Variants in AKT2 observed in about 807,000 individuals in gnomAD.
AKT2 encodes the protein AKT serine/threonine kinase 2.
AKT2 carries 16 observed loss-of-function variants against 58.6 expected under a neutral mutation model. That is an observed-to-expected ratio of 0.27 (90% CI 0.18 to 0.41). The LOEUF is 0.41. AKT2 is among the 10% of genes least tolerant of loss of function. AKT2 has a pLI of 1.00. For missense variants in AKT2, 438 were observed against 661.0 expected (o/e 0.66, Z 3.70); for synonymous variants, 253 against 254.0 (o/e 1.00, Z 0.04).
At chr19:40,260,504 C>T (rs1242643189) in intron 2 of AKT2, among the ~76,000 whole-genome samples, 1 of 151,538 alleles carries the variant, frequency 6.6e-6, no homozygotes, top group East Asian at 2.0e-4. Flanking sequence ...GTGGCGCACA[C>T]CTGTAGTCCC....
intron 1 of AKT2, chr19:40,265,570 G>A (rs983193306): frequency 5.2e-6 from 3 of 578,194 alleles, no homozygotes; most frequent in East Asian, 3.4e-5. Flanking sequence ...AGAGCTCCCC[G>A]GCCTAAGCGC....
chr19:40,235,425 G>A lies in AKT2; in HGVS notation c.1176-75C>T. 1 of 1,216,682 alleles carries A rather than the reference G, an allele frequency of 8.2e-7. No homozygotes were observed. Among genetic ancestry groups the A allele is most frequent in the South Asian group, 1.2e-5 (1 of 82,652 alleles). The allele number at this position is 1,216,682 out of a possible 1,614,324, so 75.4% of individuals were successfully genotyped here. A position where few individuals can be genotyped will look rare whatever the true frequency, so the allele number is the denominator to read the frequency against. On this transcript the variant is annotated intron_variant, in intron 11 of 13. Coordinates refer to ENST00000392038, the MANE Select transcript of AKT2 (RefSeq NM_001626.6). The surrounding 1 kb of genome is among the most constrained non-coding windows in gnomAD (Gnocchi z 6.3). ...GGCAGACGGGCTTTCGGAGCAGGCAGGCCCTGTATGGCCCTTAATGATTCT... is the reference window on the plus strand; with the variant it reads ...GGCAGACGGGCTTTCGGAGCAGGCAAGCCCTGTATGGCCCTTAATGATTCT...
Position 40,235,104 on chromosome 19 carries a change from G to A in AKT2, c.1307C>T (p.Thr436Ile). ...FKPQVTSEVDTRYFDDEFTAQ... is the reference protein window; with the variant it reads ...FKPQVTSEVDIRYFDDEFTAQ... ...GGTAAATTCATCATCGAAGTACCTT[G>A]TGTCGACCTCGGACGTGACCTGAGG... The change falls in exon 13 of 14, where the codon ACA (threonine) becomes ATA (isoleucine). Residue 436 changes from threonine (T) to isoleucine (I), a missense_variant. Physicochemically the swap from Thr to Ile is moderately conservative, Grantham distance 89 (BLOSUM62 -1). Around this residue, in one of 3 missense-constraint regions of AKT2, gnomAD observed 148 missense variants for 199.5 expected, o/e 0.74. Coordinates refer to ENST00000392038, the MANE Select transcript of AKT2 (RefSeq NM_001626.6). This position sits in a 1 kb window ranked among gnomAD's most constrained non-coding sequence, Gnocchi z 6.3. 1 of 1,614,144 alleles carries A rather than the reference G, an allele frequency of 6.2e-7. No individual in the cohort carries two copies. The highest frequency in any genetic ancestry group is 8.5e-7 in the Non-Finnish European group (1 of 1,180,006).
rs755936480 is a variant in AKT2, at chr19:40,234,539, C to A, written c.1366+506G>T. The A allele has an allele frequency of 6.4e-6, 2 of 314,798 alleles. No homozygotes were observed. Among genetic ancestry groups the A allele is most frequent in the Non-Finnish European group, 1.2e-5 (2 of 170,556 alleles). 19.5% of individuals were successfully genotyped at this position (314,798 alleles called of 1,614,324 possible). A position where few individuals can be genotyped will look rare whatever the true frequency, so the allele number is the denominator to read the frequency against. On this transcript the variant is annotated intron_variant, in intron 13 of 13. Coordinates refer to ENST00000392038, the MANE Select transcript of AKT2 (RefSeq NM_001626.6). This position sits in a 1 kb window ranked among gnomAD's most constrained non-coding sequence, Gnocchi z 4.7. ...ACGTCATTCCTCCGGCCAGCTGACACGTTTGCTTCCTCCTCTAGAAAGCCC... is the reference window on the plus strand; with the variant it reads ...ACGTCATTCCTCCGGCCAGCTGACAAGTTTGCTTCCTCCTCTAGAAAGCCC...
At chr19:40,282,729 T>A in intron 1 of AKT2, 1 of 346,890 alleles carries the variant, frequency 2.9e-6, no homozygotes, top group Admixed American at 4.2e-5. Context: ...TAGGGTCTGA[T>A]AAGATGCGGT....
At chr19:40,283,653 A>G (rs2145443648) in intron 1 of AKT2, among the ~76,000 whole-genome samples, 1 of 152,250 alleles carries the variant, frequency 6.6e-6, no homozygotes. Flanking sequence ...TGGCCTAGGG[A>G]GCAGGGACAC....
At chr19:40,253,579 G>T (rs570774124) in intron 4 of AKT2, among the ~76,000 whole-genome samples, 4 of 152,214 alleles carry the variant, frequency 2.6e-5, no homozygotes, top group Admixed American at 6.5e-5. Flanking sequence ...TGCTCAGACT[G>T]GTACAAATCC....
intron 1 of AKT2, chr19:40,284,847 T>G: frequency 4.8e-6 from 1 of 207,964 alleles, no homozygotes; most frequent in African/African-American, 2.3e-5. Flanking sequence ...GCCCCCTCGA[T>G]AGCTTAGCCC....
chr19:40,270,122 C>T (rs951415432), intron 1 of AKT2, among the ~76,000 whole-genome samples: 3 of 152,220 alleles, frequency 2.0e-5, no homozygotes, highest in South Asian at 2.1e-4. Context: ...CCTCTGCTCA[C>T]GTCCCTTTCT....
At chr19:40,256,681 A>G (rs899479801) in intron 3 of AKT2, among the ~76,000 whole-genome samples, 1 of 152,222 alleles carries the variant, frequency 6.6e-6, no homozygotes, top group Non-Finnish European at 1.5e-5. Context: ...CAAGGAGGCG[A>G]TGCATGGGGC....
At chr19:40,255,460 G>A (rs999595431) in intron 3 of AKT2, among the ~76,000 whole-genome samples, 191 bp from the exon 4 acceptor site, 1 of 152,126 alleles carries the variant, frequency 6.6e-6, no homozygotes, top group African/African-American at 2.4e-5. Flanking sequence ...TGTGGAAGGA[G>A]AGAAGCCCAC....
At chr19:40,253,806 C>T (rs1160730025) in intron 4 of AKT2, among the ~76,000 whole-genome samples, 1 of 151,768 alleles carries the variant, frequency 6.6e-6, no homozygotes, top group Non-Finnish European at 1.5e-5. Flanking sequence ...CCCCAGTCAT[C>T]ACAATAAAGA....
At chr19:40,264,504 C>T (rs952319957) in intron 2 of AKT2, among the ~76,000 whole-genome samples, 1 of 152,140 alleles carries the variant, frequency 6.6e-6, no homozygotes, top group African/African-American at 2.4e-5. Context: ...AGCTGGACTC[C>T]GCGTTGCTCC....
rs1015824620 is a variant in AKT2, at chr19:40,237,283, C to T, written c.831+686G>A. 1.4e-4 allele frequency: 22 copies of T among 153,850 alleles called. No individual in the cohort carries two copies. The highest frequency in any genetic ancestry group is 1.2e-3 in the Admixed American group (19 of 15,546). The allele number at this position is 153,850 out of a possible 1,614,324, so 9.5% of individuals were successfully genotyped here. On this transcript the variant is annotated intron_variant, in intron 9 of 13. Coordinates refer to ENST00000392038, the MANE Select transcript of AKT2 (RefSeq NM_001626.6). This position sits in a 1 kb window ranked among gnomAD's most constrained non-coding sequence, Gnocchi z 4.5. ...GACACTTTCTAAGGTGAGTGTGTGT[C>T]CCCACTTCTCCTGTGCACACAGCTA...
chr19:40,263,480 G>T (rs1479073690), intron 2 of AKT2, among the ~76,000 whole-genome samples: 1 of 152,230 alleles, frequency 6.6e-6, no homozygotes, highest in Non-Finnish European at 1.5e-5. Context: ...CCAAGGCTCA[G>T]TGAGGTGACA....
rs1355694214 is a variant in AKT2, at chr19:40,242,367, G to A, written c.441+167C>T. 3 of 1,138,178 alleles carry A rather than the reference G, an allele frequency of 2.6e-6. No individual in the cohort carries two copies. Among genetic ancestry groups the A allele is most frequent in the Non-Finnish European group, 3.9e-6 (3 of 771,010 alleles). 70.5% of individuals were successfully genotyped at this position (1,138,178 alleles called of 1,614,324 possible). A position where few individuals can be genotyped will look rare whatever the true frequency, so the allele number is the denominator to read the frequency against. On this transcript the variant is annotated intron_variant, in intron 5 of 13. Transcript: ENST00000392038. The surrounding 1 kb of genome is among the most constrained non-coding windows in gnomAD (Gnocchi z 4.3). ...GGTTGCTCCCTCCCCTACGGGCATG[G>A]AGCACACCCTAGGGCACCTGCCACC...
At chr19:40,277,935 T>C (rs751014696) in intron 1 of AKT2, among the ~76,000 whole-genome samples, 8 of 152,172 alleles carry the variant, frequency 5.3e-5, no homozygotes, top group Non-Finnish European at 1.2e-4. Context: ...TGTTCAGCAA[T>C]CAGGCCCCTA....
At chr19:40,251,592 G>A (rs1555772253) in intron 4 of AKT2, among the ~76,000 whole-genome samples, 1 of 150,136 alleles carries the variant, frequency 6.7e-6, no homozygotes, top group Non-Finnish European at 1.5e-5. Flanking sequence ...TCTTGGGGAG[G>A]AAAAAAAAAG....
chr19:40,241,736 C>T (rs1974419137), intron 6 of AKT2: 2 of 760,384 alleles, frequency 2.6e-6, no homozygotes, highest in Non-Finnish European at 4.2e-6. Flanking sequence ...CAGCCCCTAA[C>T]ATAGGGTGGA....
Sources: allele counts gnomAD v4.1 joint callset (sites outside exome capture counted in the v4.1 genomes callset), GRCh38; gene constraint gnomAD v4.1.1; regional missense constraint gnomAD v4.1.1; non-coding constraint Gnocchi (gnomAD v3.1); transcripts MANE v1.5; gene names NCBI Gene and HGNC (gene_info 2026-07-23, HGNC 2026-07-21).